Variants in MAP2K5 observed in about 807,000 individuals in gnomAD.
The protein encoded by MAP2K5 is dual specificity mitogen-activated protein kinase kinase 5.
In MAP2K5, 49 loss-of-function variants were observed where a neutral mutation model predicts 83.1. That is an observed-to-expected ratio of 0.59 (90% CI 0.47 to 0.75). The LOEUF (loss-of-function observed/expected upper bound fraction) is 0.75. Among genes scored for constraint, MAP2K5 ranks in the 30% least tolerant of loss-of-function variants. The pLI, the probability that MAP2K5 is intolerant of heterozygous loss-of-function variation, is 0.00. For missense variants in MAP2K5, 457 were observed against 557.5 expected (o/e 0.82, Z 1.82); for synonymous variants, 202 against 191.8 (o/e 1.05, Z -0.44).
chr15:67,628,327 A>G (rs2086375159), intron 8 of MAP2K5: 2 of 506,910 alleles, frequency 3.9e-6, no homozygotes, highest in Non-Finnish European at 7.0e-6. Context: ...TAAAAATACA[A>G]AAATTAGCTG....
At chr15:67,683,582 C>T (rs908937025) in intron 13 of MAP2K5, among the ~76,000 whole-genome samples, 3 of 151,878 alleles carry the variant, frequency 2.0e-5, no homozygotes, top group East Asian at 1.9e-4. Flanking sequence ...GCCAACATGG[C>T]GAAACCCCAT....
At chr15:67,642,552 G>A in intron 9 of MAP2K5, 1 of 1,019,904 alleles carries the variant, frequency 9.8e-7, no homozygotes, top group Admixed American at 1.7e-5. Context: ...AGATAGAACA[G>A]GTTTTTTCAA....
At chr15:67,730,575 A>G (rs2089197685) in intron 17 of MAP2K5, among the ~76,000 whole-genome samples, 1 of 152,238 alleles carries the variant, frequency 6.6e-6, no homozygotes, top group African/African-American at 2.4e-5. Context: ...GAAACTCACT[A>G]TCTTACAAAG....
intron 19 of MAP2K5, among the ~76,000 whole-genome samples, chr15:67,754,298 G>C (rs1337955502): frequency 6.6e-6 from 1 of 152,232 alleles, no homozygotes; most frequent in Admixed American, 6.5e-5. Flanking sequence ...AAAGCAAAGA[G>C]TTTCTCTGTG....
intron 15 of MAP2K5, among the ~76,000 whole-genome samples, chr15:67,699,184 G>C (rs1428111499): frequency 6.6e-6 from 1 of 151,652 alleles, no homozygotes; most frequent in Non-Finnish European, 1.5e-5. Flanking sequence ...AAGACAGTGG[G>C]CTACTCCCAG....
intron 8 of MAP2K5, among the ~76,000 whole-genome samples, chr15:67,625,773 G>A (rs1017329649): frequency 2.0e-5 from 3 of 152,178 alleles, no homozygotes; most frequent in African/African-American, 4.8e-5. Flanking sequence ...TTTATTCCTC[G>A]AAATCGAACC....
chr15:67,586,917 CG>C lies in MAP2K5; in HGVS notation c.431+5del. 1 of 1,613,916 alleles carries C rather than the reference CG, an allele frequency of 6.2e-7. No homozygotes were observed. Among genetic ancestry groups the C allele is most frequent in the Non-Finnish European group, 8.5e-7 (1 of 1,179,908 alleles). On this transcript the variant is annotated splice_donor_5th_base_variant and intron_variant, in intron 6 of 21. Transcript: ENST00000178640. ...CAGATTCACTTCCAAGCAATAGGTGCGAGCGAGCAAGTAAAGTGTGCCCTTG... is the reference window on the plus strand; with the variant it reads ...CAGATTCACTTCCAAGCAATAGGTGCAGCGAGCAAGTAAAGTGTGCCCTTG...
intron 19 of MAP2K5, among the ~76,000 whole-genome samples, chr15:67,767,156 G>A (rs368106577): frequency 3.3e-5 from 5 of 152,084 alleles, no homozygotes; most frequent in African/African-American, 1.2e-4. Context: ...AACTTAACAG[G>A]CTACAATATC....
In MAP2K5 at chr15:67,644,903, C is replaced by T. The variant is rs1164245601; in HGVS notation, c.586-1328C>T. 6.6e-6 allele frequency among the ~76,000 whole-genome samples: 1 copy of T among 152,108 alleles called. No individual in the cohort carries two copies. Among genetic ancestry groups the T allele is most frequent in the African/African-American group, 2.4e-5 (1 of 41,418 alleles). The stretch of plus-strand genomic sequence containing the variant: ...GTGGCTTACGCTTGTAATCCCAGAA[C>T]TTTGGGAGGCTGAGGTGAGCGGATC... On this transcript the variant is annotated intron_variant, in intron 9 of 21. Coordinates refer to ENST00000178640, the MANE Select transcript of MAP2K5 (RefSeq NM_145160.3). This position sits in a 1 kb window ranked among gnomAD's most constrained non-coding sequence, Gnocchi z 4.6.
intron 12 of MAP2K5, among the ~76,000 whole-genome samples, chr15:67,662,937 T>A (rs997245633): frequency 1.1e-4 from 17 of 152,296 alleles, no homozygotes; most frequent in Admixed American, 7.8e-4. Context: ...CTTTATAAAT[T>A]TGGGGGGAGC....
chr15:67,554,611 G>A (rs565875197), intron 2 of MAP2K5, among the ~76,000 whole-genome samples: 1 of 152,244 alleles, frequency 6.6e-6, no homozygotes, highest in East Asian at 1.9e-4. Flanking sequence ...GATTCCAGAT[G>A]GCATTAATCT....
In MAP2K5 at chr15:67,693,480, A is replaced by G. The variant is rs145455659; in HGVS notation, c.922-38A>G. ...TAATTGCCCATTTTATTTCCACATT[A>G]TCTTTATATTGTTCTAACAGACTGT... On this transcript the variant is annotated intron_variant, in intron 14 of 21. Coordinates refer to ENST00000178640, the MANE Select transcript of MAP2K5 (RefSeq NM_145160.3). The G allele has an allele frequency of 9.3e-5, 141 of 1,521,700 alleles. No individual in the cohort carries two copies. The African/African-American group carries it at 1.6e-3, about 17-fold the overall frequency. 94.3% of individuals were successfully genotyped at this position (1,521,700 alleles called of 1,614,324 possible).
In MAP2K5 at chr15:67,630,998, C is replaced by T. The variant is rs1045892494; in HGVS notation, c.585+71C>T. On this transcript the variant is annotated intron_variant, in intron 9 of 21. Coordinates refer to ENST00000178640, the MANE Select transcript of MAP2K5 (RefSeq NM_145160.3). Reference sequence around the variant, plus strand: ...TCCTTTCCTCTGTTAGCTTGAGTCACAGATATTGTCAAAGAGGAGATGAAA... The same window carrying T: ...TCCTTTCCTCTGTTAGCTTGAGTCATAGATATTGTCAAAGAGGAGATGAAA... The T allele has an allele frequency of 3.3e-6, 4 of 1,216,286 alleles. No homozygotes were observed. In the African/African-American group the frequency reaches 4.5e-5, roughly 14 times the overall value. The allele number at this position is 1,216,286 out of a possible 1,614,324, so 75.3% of individuals were successfully genotyped here.
chr15:67,632,920 GT>G (rs1482243187), intron 9 of MAP2K5, among the ~76,000 whole-genome samples: 1 of 152,152 alleles, frequency 6.6e-6, no homozygotes, highest in Non-Finnish European at 1.5e-5. Flanking sequence ...GTTTTAATAA[GT>G]TAAATAGCTT....
intron 13 of MAP2K5, among the ~76,000 whole-genome samples, chr15:67,688,173 G>T (rs2088005508): frequency 1.3e-5 from 2 of 152,226 alleles, no homozygotes; most frequent in African/African-American, 4.8e-5. Context: ...ATACCTGGCA[G>T]GTAGGCCAGT....
chr15:67,590,492 A>G (rs2085383260), intron 6 of MAP2K5, among the ~76,000 whole-genome samples: 1 of 58,218 alleles, frequency 1.7e-5, no homozygotes, highest in Non-Finnish European at 3.3e-5. Context: ...TCTTTTTGAG[A>G]CAGGGTCTCA....
Position 67,748,726 on chromosome 15 carries a change from T to A in MAP2K5, c.1134+125T>A. 1 of 863,694 alleles carries A rather than the reference T, an allele frequency of 1.2e-6. No homozygotes were observed. Among genetic ancestry groups the A allele is most frequent in the Non-Finnish European group, 1.8e-6 (1 of 542,394 alleles). The allele number at this position is 863,694 out of a possible 1,614,324, so 53.5% of individuals were successfully genotyped here. On this transcript the variant is annotated intron_variant, in intron 19 of 21. Coordinates refer to ENST00000178640, the MANE Select transcript of MAP2K5 (RefSeq NM_145160.3). This position sits in a 1 kb window ranked among gnomAD's most constrained non-coding sequence, Gnocchi z 4.0. ...TGGAGCAAGTTGTGTTGTATGGCTCTGAGCTATGTTACGTGAACTGGCCTT... is the reference window on the plus strand; with the variant it reads ...TGGAGCAAGTTGTGTTGTATGGCTCAGAGCTATGTTACGTGAACTGGCCTT...
intron 3 of MAP2K5, among the ~76,000 whole-genome samples, chr15:67,567,572 G>A (rs1038627935): frequency 3.3e-5 from 5 of 151,634 alleles, no homozygotes; most frequent in South Asian, 2.1e-4. Context: ...CACCTTGTTA[G>A]CCGGGATGGT....
At position 67,696,600 on chromosome 15, in the gene MAP2K5, G is replaced by A. The variant is rs113557186; in HGVS notation, c.972+3032G>A. ...CCACTCTATAATGTAGATAAGACTT[G>A]GGTGAAACAGGGAACACGACATTAT... On this transcript the variant is annotated intron_variant, in intron 15 of 21. Transcript: ENST00000178640. Among the ~76,000 whole-genome samples the A allele has an allele frequency of 4.0e-3, 602 of 152,120 alleles. 5 individuals are homozygous for A. The highest frequency in any genetic ancestry group is 0.014 in the African/African-American group (575 of 41,492).
Sources: allele counts gnomAD v4.1 joint callset (sites outside exome capture counted in the v4.1 genomes callset), GRCh38; gene constraint gnomAD v4.1.1; non-coding constraint Gnocchi (gnomAD v3.1); transcripts MANE v1.5; gene names NCBI Gene and HGNC (gene_info 2026-07-23, HGNC 2026-07-21).